Variants in ATAD2B observed in about 807,000 individuals in gnomAD.
ATAD2B encodes ATPase family AAA domain-containing protein 2B.
In ATAD2B, 40 loss-of-function variants were observed where a neutral mutation model predicts 167.6. The ratio of observed to expected loss-of-function variants is 0.24; its 90% confidence interval spans 0.19 to 0.31. The LOEUF (loss-of-function observed/expected upper bound fraction) is 0.31, where lower values mean the gene tolerates loss of function less well. Among genes scored for constraint, ATAD2B ranks in the 10% least tolerant of loss-of-function variants. ATAD2B has a pLI of 1.00. For missense variants in ATAD2B, 1,242 were observed against 1,757.2 expected, an observed-to-expected ratio of 0.71 and a Z score of 5.24; for synonymous variants, 579 against 596.5, an observed-to-expected ratio of 0.97 and a Z score of 0.43.
rs779286221 is a variant in ATAD2B at position 23,888,338 on chromosome 2, T to C, written c.418+12A>G. 1.2e-5 allele frequency: 18 copies of C among 1,564,298 alleles called. No homozygotes were observed. The East Asian group carries it at 1.6e-4, about 14-fold the overall frequency. On this transcript the variant is annotated intron_variant, in intron 3 of 27. Transcript: ENST00000238789. ...ATTTTAAAACTAACCAGTTTTATAA[T>C]AGAATACTCACATAAGCCACTATGT...
At chr2:23,795,986 C>G (rs976765623) in intron 19 of ATAD2B, among the ~76,000 whole-genome samples, 11 of 152,080 alleles carry the variant, frequency 7.2e-5, no homozygotes, top group Admixed American at 7.2e-4. Context: ...ATAATCCCAG[C>G]ATTTTGGGAG....
the ATAD2B span, among the ~76,000 whole-genome samples, chr2:23,700,609 TA>T: frequency 6.6e-6 from 1 of 152,236 alleles, no homozygotes; most frequent in African/African-American, 2.4e-5. The surrounding 1 kb of genome is among the most constrained non-coding windows in gnomAD (Gnocchi z 4.6). Context: ...AGCTGGCTGT[TA>T]AACATTCATC....
chr2:23,769,415 G>A (rs1341118895), intron 22 of ATAD2B, among the ~76,000 whole-genome samples: 1 of 152,004 alleles, frequency 6.6e-6, no homozygotes, highest in African/African-American at 2.4e-5. Flanking sequence ...ACTCCAGCCT[G>A]GGTGACAGAG....
At chr2:23,703,917 G>A in the ATAD2B span, 10 of 1,495,638 alleles carry the variant, frequency 6.7e-6, no homozygotes, top group Middle Eastern at 3.4e-4. Flanking sequence ...GGGAGGAGGA[G>A]GGGTGTGACC....
chr2:23,684,333 T>C, the ATAD2B span: 16 of 1,246,682 alleles, frequency 1.3e-5, no homozygotes, highest in Non-Finnish European at 1.7e-5. The surrounding 1 kb of genome is among the most constrained non-coding windows in gnomAD (Gnocchi z 4.4). Flanking sequence ...AAAAAAACTT[T>C]TTTTAATTAA....
At chr2:23,906,050 A>T (rs1204360047) in intron 1 of ATAD2B, among the ~76,000 whole-genome samples, 3 of 152,162 alleles carry the variant, frequency 2.0e-5, no homozygotes, top group Non-Finnish European at 2.9e-5. Context: ...TAAAAGAGAA[A>T]GGTCGGCTGG....
In ATAD2B at chr2:23,914,421, C is replaced by T. The variant is rs918806694; in HGVS notation, c.216+12134G>A. Among the ~76,000 whole-genome samples the T allele has an allele frequency of 3.6e-4, 55 of 152,100 alleles. 1 individual carries two copies. Among genetic ancestry groups the T allele is most frequent in the Admixed American group, 9.2e-4 (14 of 15,276 alleles). On this transcript the variant is annotated intron_variant, in intron 1 of 27. Coordinates refer to ENST00000238789, the MANE Select transcript of ATAD2B (RefSeq NM_017552.4). ...CAAAATGGGCAAAAACAAATCTTAA[C>T]AGGCATTTTAGAGAGAAGGAAAGCA...
In ATAD2B at chr2:23,863,407, T is replaced by C; in HGVS notation, c.1453A>G (p.Arg485Gly). 1 of 1,552,238 alleles carries C rather than the reference T, an allele frequency of 6.4e-7. No homozygotes were observed. The highest frequency in any genetic ancestry group is 8.7e-7 in the Non-Finnish European group (1 of 1,147,116). ...CLSKWVGESE[R>G]QLRLLFDQAY... ...TGATCAAAAAGAAGCCTAAGTTGCC[T>C]TTCAGATTCACCAACCCACTTGCTC... is the stretch of plus-strand genomic sequence containing the variant. The change falls in exon 12 of 28, where the codon AGG becomes GGG. Residue 485 changes from arginine to glycine, a missense_variant. Arg to Gly is a moderately radical substitution (Grantham distance 125). Around this residue, in one of 9 missense-constraint regions of ATAD2B, gnomAD observed 151 missense variants for 284.1 expected, o/e 0.53. Coordinates refer to ENST00000238789, the MANE Select transcript of ATAD2B (RefSeq NM_017552.4).
intron 8 of ATAD2B, among the ~76,000 whole-genome samples, chr2:23,870,674 G>C (rs111632321): frequency 6.9e-6 from 1 of 145,856 alleles, no homozygotes; most frequent in Non-Finnish European, 1.5e-5. Context: ...AAAAAGTTTG[G>C]TTTTTTTTTT....
the ATAD2B span, among the ~76,000 whole-genome samples, chr2:23,725,781 A>G: frequency 4.6e-5 from 7 of 152,214 alleles, no homozygotes; most frequent in Admixed American, 3.9e-4. Flanking sequence ...CATATAAATA[A>G]TTACATTAAA....
At chr2:23,680,309 C>T in the ATAD2B span, among the ~76,000 whole-genome samples, 17 of 151,970 alleles carry the variant, frequency 1.1e-4, no homozygotes, top group Admixed American at 1.1e-3. The surrounding 1 kb of genome is among the most constrained non-coding windows in gnomAD (Gnocchi z 4.1). Flanking sequence ...CCGTCTTCCA[C>T]GGGAAGAGGA....
chr2:23,843,677 T>A (rs946575479), intron 13 of ATAD2B, among the ~76,000 whole-genome samples: 1 of 152,034 alleles, frequency 6.6e-6, no homozygotes, highest in Non-Finnish European at 1.5e-5. Flanking sequence ...ACTCCTCAGC[T>A]CTTCATTTAA....
chr2:23,806,020 G>C (rs1684335351), intron 18 of ATAD2B, among the ~76,000 whole-genome samples: 1 of 152,020 alleles, frequency 6.6e-6, no homozygotes, highest in Non-Finnish European at 1.5e-5. Context: ...CTTTTTCCCA[G>C]ACTATATCTA....
At chr2:23,920,070 G>A (rs1216578621) in intron 1 of ATAD2B, among the ~76,000 whole-genome samples, 6 of 151,096 alleles carry the variant, frequency 4.0e-5, no homozygotes, top group African/African-American at 1.5e-4. Flanking sequence ...AGAATCTCTG[G>A]AACCCGCGAA....
Position 23,810,474 on chromosome 2 carries a change from T to C in ATAD2B, c.2296A>G (p.Arg766Gly). The change falls in exon 18 of 28, where the codon AGG becomes GGG. Residue 766 changes from arginine to glycine, a missense_variant. By Grantham distance (125) the Arg-to-Gly change is moderately radical. This residue lies in a region of ATAD2B where 145 missense variants were observed against 181.9 expected (regional missense o/e 0.80). Coordinates refer to ENST00000238789, the MANE Select transcript of ATAD2B (RefSeq NM_017552.4). ...TCTCCAGAGAGCAATAAGCGTGGCC[T>C]GTAAGAGGTTGGCTGATGATATGGT... Reference protein sequence around the residue: ...MSPYHQPTSYRPRLLLSGERG... With the variant: ...MSPYHQPTSYGPRLLLSGERG... The C allele has an allele frequency of 6.2e-7, 1 of 1,613,848 alleles. No individual in the cohort carries two copies. Among genetic ancestry groups the C allele is most frequent in the Non-Finnish European group, 8.5e-7 (1 of 1,179,782 alleles).
intron 13 of ATAD2B, among the ~76,000 whole-genome samples, chr2:23,836,839 T>C (rs1690062782): frequency 6.6e-6 from 1 of 151,912 alleles, no homozygotes; most frequent in South Asian, 2.1e-4. Flanking sequence ...AGCCGGGGCT[T>C]TTATGGGACT....
chr2:23,790,916 T>G (rs1211777156), intron 19 of ATAD2B, among the ~76,000 whole-genome samples: 1 of 152,178 alleles, frequency 6.6e-6, no homozygotes, highest in Non-Finnish European at 1.5e-5. Flanking sequence ...TTTAGAACAT[T>G]TCCATTACCC....
chr2:23,686,026 G>A, the ATAD2B span, among the ~76,000 whole-genome samples: 1 of 152,220 alleles, frequency 6.6e-6, no homozygotes, highest in South Asian at 2.1e-4. Flanking sequence ...TTGAAAGCCA[G>A]ACTTGCACAC....
chr2:23,854,888 G>GA (rs1296590438), intron 13 of ATAD2B, among the ~76,000 whole-genome samples: 4 of 151,830 alleles, frequency 2.6e-5, no homozygotes, highest in African/African-American at 9.7e-5. Flanking sequence ...CAGAACACTG[G>GA]AAAAAAATTT....
Sources: allele counts gnomAD v4.1 joint callset (sites outside exome capture counted in the v4.1 genomes callset), GRCh38; gene constraint gnomAD v4.1.1; regional missense constraint gnomAD v4.1.1; non-coding constraint Gnocchi (gnomAD v3.1); transcripts MANE v1.5; gene names NCBI Gene and HGNC (gene_info 2026-07-23, HGNC 2026-07-21).